ITGA11: variants seen among roughly 807,000 people sequenced by gnomAD.
ITGA11 encodes the protein integrin subunit alpha 11.
Under a neutral mutation model 141.9 loss-of-function variants are expected in ITGA11, and 97 were observed. That is an observed-to-expected ratio of 0.68 (90% CI 0.58 to 0.81). The LOEUF (loss-of-function observed/expected upper bound fraction) is 0.81, where lower values mean the gene tolerates loss of function less well. ITGA11 is among the 30% of genes least tolerant of loss of function. ITGA11 has a pLI of 0.00. For missense variants in ITGA11, 1,387 were observed against 1,559.2 expected (o/e 0.89, Z 1.86); for synonymous variants, 658 against 624.6 (o/e 1.05, Z -0.80).
At chr15:68,316,113 G>A (rs894440381) in intron 21 of ITGA11, among the ~76,000 whole-genome samples, 2 of 152,248 alleles carry the variant, frequency 1.3e-5, no homozygotes, top group Admixed American at 6.5e-5. Flanking sequence ...CCATCGCCAT[G>A]CACCACAGGA....
At chr15:68,363,722 T>C (rs78821249) in intron 4 of ITGA11, among the ~76,000 whole-genome samples, 6 of 152,270 alleles carry the variant, frequency 3.9e-5, no homozygotes, top group South Asian at 2.1e-4. Flanking sequence ...CTAGGAACCA[T>C]CAGTCTCAGA....
chr15:68,396,539 C>T (rs988250097), intron 2 of ITGA11, among the ~76,000 whole-genome samples: 4 of 151,924 alleles, frequency 2.6e-5, no homozygotes, highest in African/African-American at 4.8e-5. Flanking sequence ...TTCAGTATCA[C>T]CACTTCTTTT....
intron 11 of ITGA11, chr15:68,336,066 TCA>T: frequency 1.7e-6 from 1 of 592,592 alleles, no homozygotes. Flanking sequence ...TAGGGAGAAC[TCA>T]CTGCACCCCA....
chr15:68,326,348 C>T lies in ITGA11; in HGVS notation c.2211+306G>A, dbSNP rs1280710184. ...TGCCTGCTTATCCCTCCCTTTGGGG[C>T]TGTGCCCCCCACCAGCTGCTCCTAG... is the stretch of plus-strand genomic sequence containing the variant. On this transcript the variant is annotated intron_variant, in intron 17 of 29. Transcript: ENST00000315757. The surrounding 1 kb of genome is among the most constrained non-coding windows in gnomAD (Gnocchi z 6.8). Among the ~76,000 whole-genome samples, 1 of 152,204 alleles carries T rather than the reference C, an allele frequency of 6.6e-6. No homozygotes were observed. The highest frequency in any genetic ancestry group is 1.5e-5 in the Non-Finnish European group (1 of 68,044).
At chr15:68,393,098 A>G (rs1896156094) in intron 2 of ITGA11, among the ~76,000 whole-genome samples, 1 of 152,238 alleles carries the variant, frequency 6.6e-6, no homozygotes, top group South Asian at 2.1e-4. Flanking sequence ...AATAAAGAGT[A>G]TATCGAATGG....
At chr15:68,424,104 C>T (rs1156298301) in intron 1 of ITGA11, among the ~76,000 whole-genome samples, 6 of 152,230 alleles carry the variant, frequency 3.9e-5, no homozygotes, top group Admixed American at 2.0e-4. Flanking sequence ...CCCCTTGGGG[C>T]CACACAGGGA....
intron 21 of ITGA11, among the ~76,000 whole-genome samples, chr15:68,316,004 T>C (rs1017668758): frequency 1.4e-4 from 22 of 152,196 alleles, no homozygotes; most frequent in African/African-American, 5.3e-4. Flanking sequence ...TCTTCTTTTG[T>C]TTTTAGCAAA....
intron 1 of ITGA11, among the ~76,000 whole-genome samples, chr15:68,410,552 A>C (rs1246129639): frequency 6.6e-6 from 1 of 152,208 alleles, no homozygotes; most frequent in African/African-American, 2.4e-5. Context: ...AACCCATTCA[A>C]AAGTGAAGAA....
chr15:68,383,348 G>T lies in ITGA11; in HGVS notation c.165-14064C>A, dbSNP rs1000985663. 5.9e-5 allele frequency among the ~76,000 whole-genome samples: 9 copies of T among 152,072 alleles called. No homozygotes were observed. In the South Asian group the frequency reaches 1.2e-3, roughly 21 times the overall value. ...TGAAGGAGTCAGAGAAAGTTAGAAA[G>T]AGGTATTTTATCCAAGCCTGCAGAA... On this transcript the variant is annotated intron_variant, in intron 2 of 29. Coordinates refer to ENST00000315757, the MANE Select transcript of ITGA11 (RefSeq NM_001004439.2).
intron 1 of ITGA11, among the ~76,000 whole-genome samples, chr15:68,431,349 G>T (rs532543320): frequency 6.6e-6 from 1 of 152,350 alleles, no homozygotes; most frequent in Admixed American, 6.5e-5. Context: ...GGGAGGCAAT[G>T]CCGGGTCCCT....
chr15:68,358,408 G>C, intron 6 of ITGA11, 50 bp downstream of exon 6: 1 of 1,547,726 alleles, frequency 6.5e-7, no homozygotes, highest in Non-Finnish European at 8.7e-7. Flanking sequence ...CACCTGCCAT[G>C]GGTTTGGGTG....
chr15:68,362,446 G>T (rs1237621685), intron 4 of ITGA11, among the ~76,000 whole-genome samples: 1 of 152,162 alleles, frequency 6.6e-6, no homozygotes, highest in East Asian at 1.9e-4. Flanking sequence ...GATCTTAAAG[G>T]TTATGTTTTA....
intron 2 of ITGA11, among the ~76,000 whole-genome samples, chr15:68,383,820 C>T (rs761965075): frequency 6.6e-5 from 10 of 152,070 alleles, no homozygotes; most frequent in African/African-American, 1.9e-4. Flanking sequence ...ATGTTGGCAT[C>T]GCAGAACAAA....
At chr15:68,309,018 A>G (rs535215519) in intron 26 of ITGA11, among the ~76,000 whole-genome samples, 85 of 152,392 alleles carry the variant, frequency 5.6e-4, no homozygotes, top group Non-Finnish European at 3.1e-4. Flanking sequence ...CACCCAGATC[A>G]GCTGCAGAAA....
chr15:68,331,122 C>T lies in ITGA11; in HGVS notation c.1771-11G>A, dbSNP rs374135654. On this transcript the variant is annotated splice_polypyrimidine_tract_variant and intron_variant, in intron 14 of 29. Transcript: ENST00000315757. ...TGAGGCTGTGATTCTCTGCAGGGCG[C>T]GGGAAGAGAGGGGGAGGGCATGCAC... 244 of 1,408,040 alleles carry T rather than the reference C, an allele frequency of 1.7e-4. 1 individual carries two copies. The highest frequency in any genetic ancestry group is 1.0e-3 in the East Asian group (30 of 29,810). 87.2% of individuals were successfully genotyped at this position (1,408,040 alleles called of 1,614,324 possible).
chr15:68,363,101 T>C (rs1895303873), intron 4 of ITGA11, among the ~76,000 whole-genome samples: 1 of 152,122 alleles, frequency 6.6e-6, no homozygotes, highest in Admixed American at 6.5e-5. Flanking sequence ...GATGGATGAT[T>C]ACATGGGAGA....
chr15:68,344,244 C>T (rs1024416620), intron 10 of ITGA11, among the ~76,000 whole-genome samples: 4 of 152,084 alleles, frequency 2.6e-5, no homozygotes, highest in African/African-American at 9.7e-5. Context: ...ATCTTGACTG[C>T]CCGCCCAGCC....
intron 2 of ITGA11, among the ~76,000 whole-genome samples, chr15:68,402,635 A>C (rs3816611): frequency 0.027 from 4,049 of 152,256 alleles, 169 homozygotes; most frequent in East Asian, 0.094. Flanking sequence ...ATTGGTCCCC[A>C]GGTGCCTGCT....
rs137916437 is a variant in ITGA11, at chr15:68,305,181, G to C, written c.3382-1296C>G. Reference sequence around the variant, plus strand: ...TGGCCTCCAGCATGCATGCCATGGCGTGCCTGCTGTAGGCATTGCTATTCC... The same window carrying C: ...TGGCCTCCAGCATGCATGCCATGGCCTGCCTGCTGTAGGCATTGCTATTCC... On this transcript the variant is annotated intron_variant, in intron 28 of 29. Transcript: ENST00000315757. This position sits in a 1 kb window ranked among gnomAD's most constrained non-coding sequence, Gnocchi z 4.6. Among the ~76,000 whole-genome samples the C allele has an allele frequency of 6.6e-6, 1 of 152,156 alleles. No individual in the cohort carries two copies. The highest frequency in any genetic ancestry group is 2.4e-5 in the African/African-American group (1 of 41,432).
Sources: allele counts gnomAD v4.1 joint callset (sites outside exome capture counted in the v4.1 genomes callset), GRCh38; gene constraint gnomAD v4.1.1; non-coding constraint Gnocchi (gnomAD v3.1); transcripts MANE v1.5; gene names NCBI Gene and HGNC (gene_info 2026-07-23, HGNC 2026-07-21).